Variants in RPS6KC1 observed in about 807,000 individuals in gnomAD.
The protein encoded by RPS6KC1 is ribosomal protein S6 kinase C1, also known as inactive ribosomal protein S6 kinase delta-1.
A neutral mutation model predicts 103.8 loss-of-function variants in RPS6KC1; 54 were observed. The ratio of observed to expected loss-of-function variants is 0.52; its 90% confidence interval spans 0.42 to 0.65. The LOEUF is 0.65. RPS6KC1 is among the 30% of genes least tolerant of loss of function. The probability of loss-of-function intolerance (pLI) is 0.00; values close to 1 mark genes in which losing one functional copy is unlikely to be tolerated. For synonymous variants in RPS6KC1, 439 were observed against 438.7 expected (o/e 1.00, Z -0.01); for missense variants, 1,151 against 1,253.8 (o/e 0.92, Z 1.24).
the RPS6KC1 span, among the ~76,000 whole-genome samples, chr1:213,669,503 T>A: frequency 6.6e-6 from 1 of 152,082 alleles, no homozygotes; most frequent in African/African-American, 2.4e-5. Context: ...CCATAACAGA[T>A]GTACTAATAA....
chr1:213,380,546 C>T, the RPS6KC1 span, among the ~76,000 whole-genome samples: 1 of 139,252 alleles, frequency 7.2e-6, no homozygotes, highest in Non-Finnish European at 1.5e-5. Flanking sequence ...CCTCACCAGA[C>T]ACACAGACAC....
the RPS6KC1 span, among the ~76,000 whole-genome samples, chr1:213,330,146 G>A: frequency 6.6e-6 from 1 of 152,124 alleles, no homozygotes; most frequent in Non-Finnish European, 1.5e-5. Flanking sequence ...AGATTCCCAT[G>A]GGATACAGGA....
At chr1:213,090,464 T>C (rs2080863235) in intron 3 of RPS6KC1, among the ~76,000 whole-genome samples, 1 of 152,198 alleles carries the variant, frequency 6.6e-6, no homozygotes. Flanking sequence ...GTAGAGTAGT[T>C]ATAGGTGATG....
At chr1:213,614,522 T>C in the RPS6KC1 span, among the ~76,000 whole-genome samples, 1 of 152,208 alleles carries the variant, frequency 6.6e-6, no homozygotes, top group East Asian at 1.9e-4. Context: ...AACATCCCCC[T>C]CCACCATCTT....
the RPS6KC1 span, among the ~76,000 whole-genome samples, chr1:213,743,357 GAAC>G: frequency 6.6e-6 from 1 of 152,020 alleles, no homozygotes; most frequent in Non-Finnish European, 1.5e-5. Flanking sequence ...ACATAAACAT[GAAC>G]AATAGACACT....
the RPS6KC1 span, among the ~76,000 whole-genome samples, chr1:213,515,157 A>C: frequency 1.3e-5 from 2 of 152,066 alleles, no homozygotes; most frequent in South Asian, 2.1e-4. Context: ...AGATTGCAAA[A>C]ATTTTCTCCC....
the RPS6KC1 span, among the ~76,000 whole-genome samples, chr1:213,312,010 G>T: frequency 6.6e-6 from 1 of 150,534 alleles, no homozygotes; most frequent in Non-Finnish European, 1.5e-5. Context: ...TGATTCTCCT[G>T]CCTCAGCCTC....
chr1:213,771,221 G>A, the RPS6KC1 span, among the ~76,000 whole-genome samples: 2 of 152,292 alleles, frequency 1.3e-5, no homozygotes, highest in Admixed American at 1.3e-4. Context: ...TTCCAGGAAA[G>A]AGTGAGTGCA....
At chr1:213,571,768 A>T in the RPS6KC1 span, among the ~76,000 whole-genome samples, 2 of 152,204 alleles carry the variant, frequency 1.3e-5, no homozygotes, top group Admixed American at 1.3e-4. Flanking sequence ...AGAATCCAAA[A>T]TGTCACTTTA....
At chr1:213,151,002 C>T (rs1450214994) in intron 6 of RPS6KC1, among the ~76,000 whole-genome samples, 2 of 144,046 alleles carry the variant, frequency 1.4e-5, no homozygotes, top group East Asian at 2.1e-4. Context: ...GCTGACCCCC[C>T]CCACCTCCCT....
At chr1:213,527,931 T>A in the RPS6KC1 span, among the ~76,000 whole-genome samples, 2 of 151,984 alleles carry the variant, frequency 1.3e-5, no homozygotes, top group Non-Finnish European at 2.9e-5. Flanking sequence ...AAGAAAACCA[T>A]AAGGAAAAAT....
chr1:213,250,771 A>G (rs1049170061), intron 12 of RPS6KC1, among the ~76,000 whole-genome samples: 16 of 152,164 alleles, frequency 1.1e-4, no homozygotes, highest in African/African-American at 3.6e-4. Flanking sequence ...CATAGTTGCT[A>G]TGGCTTTTAG....
chr1:213,732,508 T>C, the RPS6KC1 span, among the ~76,000 whole-genome samples: 1 of 152,276 alleles, frequency 6.6e-6, no homozygotes, highest in Admixed American at 6.5e-5. Context: ...TTTTCCCAGG[T>C]CCTAGCCCAG....
chr1:213,561,746 C>T, the RPS6KC1 span, among the ~76,000 whole-genome samples: 18 of 152,338 alleles, frequency 1.2e-4, no homozygotes, highest in South Asian at 3.7e-3. Flanking sequence ...CCCAGCCCCA[C>T]TGAGCAGCTC....
At chr1:213,361,365 G>T in the RPS6KC1 span, among the ~76,000 whole-genome samples, 1 of 152,266 alleles carries the variant, frequency 6.6e-6, no homozygotes, top group Non-Finnish European at 1.5e-5. Flanking sequence ...CCAGGAGCGG[G>T]ATATAATCTC....
At chr1:213,551,158 C>A in the RPS6KC1 span, among the ~76,000 whole-genome samples, 1 of 152,190 alleles carries the variant, frequency 6.6e-6, no homozygotes, top group Non-Finnish European at 1.5e-5. Context: ...AGGTCCCCAG[C>A]CCGACATCCA....
rs4951479 is a variant in RPS6KC1, at chr1:213,075,243, C to A, written c.142-2453C>A. The stretch of plus-strand genomic sequence containing the variant: ...CCAGGTCATAATGACCTTAACCTTA[C>A]GTAATGTCCAGTTTATAATGACATT... On this transcript the variant is annotated intron_variant, in intron 2 of 14. Coordinates refer to ENST00000366960, the MANE Select transcript of RPS6KC1 (RefSeq NM_012424.6). Among the ~76,000 whole-genome samples, 3 of 152,022 alleles carry A rather than the reference C, an allele frequency of 2.0e-5. No individual in the cohort carries two copies. The East Asian group carries it at 5.8e-4, about 29-fold the overall frequency.
the RPS6KC1 span, among the ~76,000 whole-genome samples, chr1:213,544,257 A>G: frequency 0.8 from 121,051 of 152,044 alleles, 49,057 homozygotes; most frequent in East Asian, 0.98. Context: ...GGAGGTAGGG[A>G]GAGGGCAGGG....
chr1:213,688,732 C>T, the RPS6KC1 span, among the ~76,000 whole-genome samples: 4 of 152,136 alleles, frequency 2.6e-5, no homozygotes, highest in Admixed American at 2.0e-4. Flanking sequence ...CTGTTGATTC[C>T]GGATTCAGCC....
Sources: gnomAD v4.1 joint callset for allele counts (sites outside exome capture counted in the v4.1 genomes callset) on GRCh38, gnomAD v4.1.1 for gene constraint, MANE v1.5 for transcripts, NCBI Gene and HGNC (gene_info 2026-07-23, HGNC 2026-07-21) for gene names.